RYK: variants seen among roughly 807,000 people sequenced by gnomAD.
RYK encodes inactive tyrosine-protein kinase RYK.
RYK carries 21 observed loss-of-function variants against 70.2 expected under a neutral mutation model. That is an observed-to-expected ratio of 0.30 (90% CI 0.21 to 0.43). The LOEUF is 0.43. RYK is among the 20% of genes least tolerant of loss of function. The pLI, the probability that RYK is intolerant of heterozygous loss-of-function variation, is 1.00. For missense variants in RYK, 604 were observed against 753.3 expected (o/e 0.80, Z 2.32); for synonymous variants, 267 against 278.0 (o/e 0.96, Z 0.39).
At chr3:134,232,039 C>T (rs964596324) in intron 1 of RYK, among the ~76,000 whole-genome samples, 2 of 152,156 alleles carry the variant, frequency 1.3e-5, no homozygotes, top group East Asian at 1.9e-4. Context: ...TCATGGACAG[C>T]AGCAATATGC....
chr3:134,218,400 A>G (rs1304017003), intron 2 of RYK, among the ~76,000 whole-genome samples: 1 of 152,214 alleles, frequency 6.6e-6, no homozygotes, highest in East Asian at 1.9e-4. Context: ...AAAGAAAATC[A>G]ACTATTACAA....
chr3:134,183,165 A>G, intron 9 of RYK, 94 bp from the exon 10 acceptor site: 1 of 674,714 alleles, frequency 1.5e-6, no homozygotes, highest in Non-Finnish European at 2.4e-6. Context: ...CTTGAACTAT[A>G]AGGTACATAG....
At position 134,250,577 on chromosome 3, in the gene RYK, CGGCGGCGGGGCCCTCA is replaced by C; in HGVS notation, c.62_77del (p.Leu21ArgfsTer39). The stretch of plus-strand genomic sequence containing the variant: ...GCGCAAGCAGAAGCAGCAGCGGCGG[CGGCGGCGGGGCCCTCA>C]GGCCGCGGGCCCCCGGGAGGCAACT... On this transcript the variant is annotated frameshift_variant, in exon 1 of 15. Coordinates refer to ENST00000623711, the MANE Select transcript of RYK (RefSeq NM_002958.4). LOFTEE classifies it high-confidence loss of function. 9.4e-7 allele frequency: 1 copy of C among 1,066,056 alleles called. No homozygotes were observed. The highest frequency in any genetic ancestry group is 1.2e-6 in the Non-Finnish European group (1 of 860,076). The allele number at this position is 1,066,056 out of a possible 1,614,324, so 66.0% of individuals were successfully genotyped here. A position where few individuals can be genotyped will look rare whatever the true frequency, so the allele number is the denominator to read the frequency against.
chr3:134,229,052 A>T (rs1311283072), intron 1 of RYK, among the ~76,000 whole-genome samples: 2 of 152,190 alleles, frequency 1.3e-5, no homozygotes, highest in Non-Finnish European at 2.9e-5. Flanking sequence ...CTAGGGTTAC[A>T]AGTAAAAAAA....
chr3:134,249,917 GTTTTTTTTTTT>G (rs71624038), intron 1 of RYK, among the ~76,000 whole-genome samples: 11 of 93,364 alleles, frequency 1.2e-4, no homozygotes, highest in South Asian at 3.9e-4. Flanking sequence ...TTTCTCTCTC[GTTTTTTTTTTT>G]TTTTTTTTTT....
At chr3:134,179,576 G>A (rs2013222975) in intron 10 of RYK, 1 of 152,202 alleles carries the variant, frequency 6.6e-6, no homozygotes, top group Admixed American at 6.5e-5. Context: ...AGTACACGGA[G>A]AAAAATATCA....
At chr3:134,249,586 A>G (rs1008839606) in intron 1 of RYK, among the ~76,000 whole-genome samples, 5 of 152,162 alleles carry the variant, frequency 3.3e-5, no homozygotes, top group East Asian at 1.9e-4. Flanking sequence ...AAGTCCTAAC[A>G]TAAGACCCCA....
rs76049495 is a variant in RYK, at chr3:134,235,518, T to C, written c.233-12979A>G. On this transcript the variant is annotated intron_variant, in intron 1 of 14. Transcript: ENST00000623711. ...TACTTTTAGAAAAAGATGAAATCTA[T>C]AGAGAATATCATACTTTATCTCTCA... Among the ~76,000 whole-genome samples, 446 of 152,196 alleles carry C rather than the reference T, an allele frequency of 2.9e-3. 1 individual carries two copies. The highest frequency in any genetic ancestry group is 0.01 in the African/African-American group (417 of 41,548).
intron 13 of RYK, among the ~76,000 whole-genome samples, chr3:134,161,470 G>A (rs1220861949): frequency 6.6e-6 from 1 of 152,130 alleles, no homozygotes; most frequent in Non-Finnish European, 1.5e-5. Context: ...TCCGGACATA[G>A]CCAAATGTCC....
At chr3:134,180,022 G>A (rs1295783737) in intron 10 of RYK, 2 of 152,160 alleles carry the variant, frequency 1.3e-5, no homozygotes, top group African/African-American at 2.4e-5. Flanking sequence ...GGATCTCTAA[G>A]AAGAGTGAAT....
rs139860270 is a variant in RYK at position 134,250,508 on chromosome 3, G to C, written c.147C>G (p.Ala49=). 2.4e-5 allele frequency: 30 copies of C among 1,247,460 alleles called. No individual in the cohort carries two copies. The highest frequency in any genetic ancestry group is 3.1e-5 in the African/African-American group (2 of 63,752). 77.3% of individuals were successfully genotyped at this position (1,247,460 alleles called of 1,614,324 possible). Residue 49 remains alanine, a synonymous_variant, in exon 1 of 15, where the codon GCC becomes GCG. Coordinates refer to ENST00000623711, the MANE Select transcript of RYK (RefSeq NM_002958.4). ...LPAPGAAAAP[A]PRPPELQSAS... ...CCGACTGCAGCTCCGGGGGCCGCGG[G>C]GCGGGGGCGGCGGCAGCGCCAGGCG...
chr3:134,172,307 G>C (rs995160578), intron 13 of RYK, among the ~76,000 whole-genome samples: 8 of 152,106 alleles, frequency 5.3e-5, no homozygotes, highest in African/African-American at 1.4e-4. Flanking sequence ...TTTACTAAAG[G>C]AGTAAATTTG....
At chr3:134,227,396 GA>G (rs1422177336) in intron 1 of RYK, among the ~76,000 whole-genome samples, 2 of 151,654 alleles carry the variant, frequency 1.3e-5, no homozygotes, top group Non-Finnish European at 3.0e-5. Flanking sequence ...AATCTCAATA[GA>G]TTTTTTTGAA....
chr3:134,172,514 A>T (rs898303301), intron 13 of RYK, among the ~76,000 whole-genome samples: 1 of 152,224 alleles, frequency 6.6e-6, no homozygotes, highest in African/African-American at 2.4e-5. Context: ...AACATTATCA[A>T]AGAGTAGAAC....
rs886371658 is a variant in RYK at position 134,191,856 on chromosome 3, G to A, written c.1008C>T (p.Leu336=). ...SRERITLKDV[L]QEGTFGRIFH... ...CTTTGAGATAATAAATACCTTCTTGGAGTACATCTTTTAGAGTTATCCTCT... is the reference window on the plus strand; with the variant it reads ...CTTTGAGATAATAAATACCTTCTTGAAGTACATCTTTTAGAGTTATCCTCT... The change falls in exon 8 of 15, where the codon CTC becomes CTT. Residue 336 remains leucine (L), a synonymous_variant. Coordinates refer to ENST00000623711, the MANE Select transcript of RYK (RefSeq NM_002958.4). 3 of 1,606,928 alleles carry A rather than the reference G, an allele frequency of 1.9e-6. No individual in the cohort carries two copies. Among genetic ancestry groups the A allele is most frequent in the Non-Finnish European group, 2.5e-6 (3 of 1,177,048 alleles).
At chr3:134,246,100 C>T (rs1258010206) in intron 1 of RYK, among the ~76,000 whole-genome samples, 3 of 151,614 alleles carry the variant, frequency 2.0e-5, no homozygotes, top group East Asian at 1.9e-4. Context: ...AAAGATAATA[C>T]ATCCATAAAA....
At chr3:134,166,233 A>G (rs988333868) in intron 13 of RYK, among the ~76,000 whole-genome samples, 9 of 152,198 alleles carry the variant, frequency 5.9e-5, no homozygotes, top group Admixed American at 3.9e-4. Flanking sequence ...CTCTTATAAA[A>G]GAGACCACCA....
In RYK at chr3:134,187,447, C is replaced by T. The variant is rs1485741009; in HGVS notation, c.1102+1390G>A. 2.6e-5 allele frequency among the ~76,000 whole-genome samples: 4 copies of T among 152,254 alleles called. No individual in the cohort carries two copies. In the East Asian group the frequency reaches 7.7e-4, roughly 29 times the overall value. The stretch of plus-strand genomic sequence containing the variant: ...TAAATTTGTTTTTAGATATTATTAG[C>T]ATGTCTTCTCAATTTACATCAGACC... On this transcript the variant is annotated intron_variant, in intron 9 of 14. Coordinates refer to ENST00000623711, the MANE Select transcript of RYK (RefSeq NM_002958.4).
At chr3:134,175,865 G>T in intron 12 of RYK, 65 bp downstream of exon 12, 2 of 1,544,992 alleles carry the variant, frequency 1.3e-6, no homozygotes, top group Non-Finnish European at 8.9e-7. Context: ...ACTGTGACTC[G>T]CAGAGAACCC....
Sources: gnomAD v4.1 joint callset for allele counts (sites outside exome capture counted in the v4.1 genomes callset) on GRCh38, gnomAD v4.1.1 for gene constraint, MANE v1.5 for transcripts, NCBI Gene and HGNC (gene_info 2026-07-23, HGNC 2026-07-21) for gene names.